ANP32E: variants seen among roughly 807,000 people sequenced by gnomAD.
ANP32E encodes acidic leucine-rich nuclear phosphoprotein 32 family member E.
ANP32E carries 14 observed loss-of-function variants against 35.3 expected under a neutral mutation model. That is an observed-to-expected ratio of 0.40 (90% CI 0.26 to 0.62). The LOEUF is 0.62. ANP32E is among the 20% of genes least tolerant of loss of function. The pLI is 0.45. For missense variants in ANP32E, 198 were observed against 304.4 expected (o/e 0.65, Z 2.60); for synonymous variants, 89 against 110.4 (o/e 0.81, Z 1.22).
At chr1:150,225,635 C>T (rs1469590314) in intron 5 of ANP32E, among the ~76,000 whole-genome samples, 1 of 130,688 alleles carries the variant, frequency 7.7e-6, no homozygotes, top group East Asian at 2.4e-4. Flanking sequence ...CGCACCACTG[C>T]ACTCCAGCCT....
At chr1:150,220,802 A>G (rs376092729) in intron 6 of ANP32E, 41 bp from the exon 7 acceptor site, 78 of 1,541,510 alleles carry the variant, frequency 5.1e-5, no homozygotes, top group Non-Finnish European at 6.2e-5. Context: ...CTTAATTTTA[A>G]CAAATGAGGA....
rs963877476 is a variant in ANP32E at position 150,235,240 on chromosome 1, G to T, written c.54+493C>A. On this transcript the variant is annotated intron_variant, in intron 1 of 6. Transcript: ENST00000583931. The surrounding 1 kb of genome is among the most constrained non-coding windows in gnomAD (Gnocchi z 4.2). Reference sequence around the variant, plus strand: ...CTGCAAGCGACCCCAGCCCGCGCCCGTCGCGACGTCGGACGCCCAGGGCCT... The same window carrying T: ...CTGCAAGCGACCCCAGCCCGCGCCCTTCGCGACGTCGGACGCCCAGGGCCT... Among the ~76,000 whole-genome samples the T allele has an allele frequency of 2.0e-5, 3 of 152,212 alleles. No individual in the cohort carries two copies. Among genetic ancestry groups the T allele is most frequent in the Non-Finnish European group, 4.4e-5 (3 of 68,020 alleles).
rs782044255 is a variant in ANP32E, at chr1:150,226,765, T to A, written c.524A>T (p.Glu175Val). Residue 175 changes from glutamate (E) to valine (V), a missense_variant, in exon 5 of 7, where the codon GAA becomes GTA. By Grantham distance (121) the Glu-to-Val change is moderately radical (BLOSUM62 -2). This residue lies in a region of ANP32E where 121 missense variants were observed against 137.3 expected (regional missense o/e 0.88). Coordinates refer to ENST00000583931, the MANE Select transcript of ANP32E (RefSeq NM_030920.5). ...DGDEDDEEEE[E>V]NEAGPPEGYE... ...TCCTTCCGGTGGACCAGCTTCATTT[T>A]CCTCTTCCTCTTCATCATCTTCATC... 4.4e-6 allele frequency: 7 copies of A among 1,602,416 alleles called. No individual in the cohort carries two copies. The African/African-American group carries it at 8.1e-5, about 18-fold the overall frequency.
At chr1:150,228,972 ATT>A (rs148013046) in intron 4 of ANP32E, 98 bp downstream of exon 4, 1 of 990,882 alleles carries the variant, frequency 1.0e-6, no homozygotes, top group Non-Finnish European at 1.5e-6. Context: ...CTTGTTGTGG[ATT>A]TTTTTTTTCA....
At chr1:150,224,928 AC>A (rs1648745543) in intron 5 of ANP32E, among the ~76,000 whole-genome samples, 1 of 152,210 alleles carries the variant, frequency 6.6e-6, no homozygotes, top group Non-Finnish European at 1.5e-5. Flanking sequence ...CCTACCATGT[AC>A]CAGTCAGTGT....
intron 1 of ANP32E, among the ~76,000 whole-genome samples, chr1:150,233,138 ACCTGTAATG>A (rs1435772252): frequency 6.6e-6 from 1 of 151,824 alleles, no homozygotes; most frequent in Non-Finnish European, 1.5e-5. Context: ...GATGGTGGGC[ACCTGTAATG>A]CCAGCTACTC....
intron 6 of ANP32E, among the ~76,000 whole-genome samples, chr1:150,222,350 CA>C (rs1268798368): frequency 2.0e-5 from 3 of 151,268 alleles, no homozygotes; most frequent in Non-Finnish European, 4.4e-5. Flanking sequence ...ACCCGGGAGG[CA>C]GAGCTTGCAG....
At chr1:150,223,407 G>A (rs769262273) in intron 5 of ANP32E, 167 bp from the exon 6 acceptor site, 5 of 878,486 alleles carry the variant, frequency 5.7e-6, no homozygotes, top group Middle Eastern at 3.1e-4. Flanking sequence ...AGGGCCGGGC[G>A]CGGTGGCTCA....
chr1:150,220,532 C>T lies in ANP32E; in HGVS notation c.*159G>A. On this transcript the variant is annotated 3_prime_UTR_variant, in exon 7 of 7. Transcript: ENST00000583931. ...CAATATGATCATTAACAGACTAGTT[C>T]TTATTTGGAATGATAAGGCAAAAAT... 1.5e-6 allele frequency: 1 copy of T among 666,602 alleles called. No homozygotes were observed. Among genetic ancestry groups the T allele is most frequent in the South Asian group, 1.9e-5 (1 of 52,532 alleles). The allele number at this position is 666,602 out of a possible 1,614,324, so 41.3% of individuals were successfully genotyped here.
intron 5 of ANP32E, 165 bp from the exon 6 acceptor site, chr1:150,223,405 G>T: frequency 1.1e-6 from 1 of 895,804 alleles, no homozygotes; most frequent in Non-Finnish European, 1.6e-6. Flanking sequence ...AAAGGGCCGG[G>T]CGCGGTGGCT....
chr1:150,227,966 G>A (rs1553840564), intron 4 of ANP32E, among the ~76,000 whole-genome samples: 1 of 151,092 alleles, frequency 6.6e-6, no homozygotes, highest in African/African-American at 2.4e-5. Context: ...CATACCCATA[G>A]GCAGTCACTC....
At chr1:150,229,303 T>TTTG (rs1649155370) in intron 3 of ANP32E, 66 bp from the exon 4 acceptor site, 1 of 994,830 alleles carries the variant, frequency 1.0e-6, no homozygotes, top group Non-Finnish European at 1.4e-6. Context: ...TTTTTCTTTT[T>TTTG]TTTTTTTTTT....
chr1:150,223,552 G>T (rs1553838783), intron 5 of ANP32E, among the ~76,000 whole-genome samples: 2 of 151,326 alleles, frequency 1.3e-5, no homozygotes, highest in Non-Finnish European at 2.9e-5. Flanking sequence ...ATGGTGGCAG[G>T]CGCCTGTAAT....
At chr1:150,225,456 G>T (rs1553839538) in intron 5 of ANP32E, among the ~76,000 whole-genome samples, 2 of 151,878 alleles carry the variant, frequency 1.3e-5, no homozygotes, top group East Asian at 3.9e-4. Context: ...GATAATTTGA[G>T]GTCAGGAGTT....
At chr1:150,229,356 G>A (rs1572024299) in intron 3 of ANP32E, 119 bp from the exon 4 acceptor site, 7 of 626,308 alleles carry the variant, frequency 1.1e-5, no homozygotes, top group South Asian at 1.1e-4. Context: ...GGAATTCAGC[G>A]CCACGATCTC....
At chr1:150,226,987 G>C (rs886859391) in intron 4 of ANP32E, among the ~76,000 whole-genome samples, 192 bp from the exon 5 acceptor site, 1 of 151,738 alleles carries the variant, frequency 6.6e-6, no homozygotes, top group Non-Finnish European at 1.5e-5. Context: ...AACCAAATGC[G>C]AGAAGTATGG....
intron 1 of ANP32E, among the ~76,000 whole-genome samples, chr1:150,232,841 CTT>C (rs1279172749): frequency 6.6e-6 from 1 of 152,102 alleles, no homozygotes; most frequent in Non-Finnish European, 1.5e-5. Context: ...AAGAAACAAA[CTT>C]TGAAGAAGTT....
rs1648168258 is a variant in ANP32E, at chr1:150,219,405, C to A, written c.*1286G>T. On this transcript the variant is annotated 3_prime_UTR_variant, in exon 7 of 7. Transcript: ENST00000583931. ...AATGGACATCCACTTGAAAACAAAT[C>A]TTAATTTTAATGTCAATTTAGTTTC... 1 of 152,166 alleles carries A rather than the reference C, an allele frequency of 6.6e-6. No homozygotes were observed. The highest frequency in any genetic ancestry group is 1.5e-5 in the Non-Finnish European group (1 of 68,016). The allele number at this position is 152,166 out of a possible 1,614,324, so 9.4% of individuals were successfully genotyped here.
chr1:150,220,761 T>C lies in ANP32E; in HGVS notation c.737A>G (p.Glu246Gly), dbSNP rs1648282787. The C allele has an allele frequency of 1.2e-6, 2 of 1,613,182 alleles. No homozygotes were observed. The highest frequency in any genetic ancestry group is 1.7e-6 in the Non-Finnish European group (2 of 1,179,424). Reference protein sequence around the residue: ...VEEGEEEEEEEEGGLRGEKRK... With the variant: ...VEEGEEEEEEGEGGLRGEKRK... The stretch of plus-strand genomic sequence containing the variant: ...CTTCTCCCCTCGAAGACCTCCTTCT[T>C]CTTAAAGAGTGGAAAGAAAAATGCA... Residue 246 changes from glutamate to glycine, a missense_variant and splice_region_variant, in exon 7 of 7, where the codon GAA (glutamate) becomes GGA (glycine). Around this residue, in one of 4 missense-constraint regions of ANP32E, gnomAD observed 121 missense variants for 137.3 expected, o/e 0.88. Coordinates refer to ENST00000583931, the MANE Select transcript of ANP32E (RefSeq NM_030920.5).
Sources: gnomAD v4.1 joint callset for allele counts (sites outside exome capture counted in the v4.1 genomes callset) on GRCh38, gnomAD v4.1.1 for gene constraint, gnomAD v4.1.1 regional missense constraint, Gnocchi (gnomAD v3.1) non-coding constraint, MANE v1.5 for transcripts, NCBI Gene and HGNC (gene_info 2026-07-23, HGNC 2026-07-21) for gene names.